ZDHHC15: variants seen among roughly 807,000 people sequenced by gnomAD.
The protein encoded by ZDHHC15 is palmitoyltransferase ZDHHC15.
A neutral mutation model predicts 31.7 loss-of-function variants in ZDHHC15; 19 were observed. The ratio of observed to expected loss-of-function variants is 0.60; its 90% confidence interval spans 0.42 to 0.88. The LOEUF (loss-of-function observed/expected upper bound fraction) is 0.88. Ranked by LOEUF, ZDHHC15 falls within the 40% of genes least tolerant of loss-of-function variation. The pLI, the probability that ZDHHC15 is intolerant of heterozygous loss-of-function variation, is 0.00. For missense variants in ZDHHC15, 209 were observed against 251.2 expected (o/e 0.83, Z 1.14); for synonymous variants, 103 against 90.0 (o/e 1.14, Z -0.82).
At position 75,396,668 on chromosome X, in the gene ZDHHC15, T is replaced by A. The variant is rs182030911; in HGVS notation, c.968-17470A>T. ...ATACTGAAGAGAAAGAAAATCAGTA[T>A]ATTGGAGAGATATCTGCATTCCTAT... On this transcript the variant is annotated intron_variant, in intron 10 of 11. Transcript: ENST00000373367. Among the ~76,000 whole-genome samples, 12 of 111,959 alleles carry A rather than the reference T, an allele frequency of 1.1e-4. No homozygotes were observed. In the East Asian group the frequency reaches 3.4e-3, roughly 32 times the overall value.
intron 3 of ZDHHC15, among the ~76,000 whole-genome samples, chrX:75,473,166 C>A (rs766103574): frequency 8.9e-6 from 1 of 111,884 alleles, no homozygotes; most frequent in Non-Finnish European, 1.9e-5. Flanking sequence ...TGTTCCCTAT[C>A]ATCCCGAAGC....
At chrX:75,391,463 T>G (rs1390559724) in intron 10 of ZDHHC15, among the ~76,000 whole-genome samples, 1 of 111,571 alleles carries the variant, frequency 9.0e-6, no homozygotes, top group African/African-American at 3.3e-5. Flanking sequence ...GAAAGGATCC[T>G]AAAAGCAGCA....
rs577926976 is a variant in ZDHHC15 at position 75,396,327 on chromosome X, G to C, written c.968-17129C>G. On this transcript the variant is annotated intron_variant, in intron 10 of 11. Coordinates refer to ENST00000373367, the MANE Select transcript of ZDHHC15 (RefSeq NM_144969.3). ...AAAATCTAATAATCTGATTAAAAAT[G>C]GGCAAAAGATGTGAATAGACATTTC... is the stretch of plus-strand genomic sequence containing the variant. Among the ~76,000 whole-genome samples, 33 of 112,033 alleles carry C rather than the reference G, an allele frequency of 2.9e-4. No individual in the cohort carries two copies. In the South Asian group the frequency reaches 0.011, roughly 39 times the overall value.
At position 75,493,212 on chromosome X, in the gene ZDHHC15, A is replaced by C. The variant is rs1228225873; in HGVS notation, c.163+12609T>G. On this transcript the variant is annotated intron_variant, in intron 2 of 11. Transcript: ENST00000373367. ...AATAGATAAATTCCTCGACACATAC[A>C]TCCTCCCAAGACTAAACCAGGAAGA... 4.5e-5 allele frequency among the ~76,000 whole-genome samples: 5 copies of C among 111,912 alleles called. No individual in the cohort carries two copies. The East Asian group carries it at 1.4e-3, about 31-fold the overall frequency.
At chrX:75,452,402 G>C (rs1042846296) in intron 3 of ZDHHC15, among the ~76,000 whole-genome samples, 6 of 110,734 alleles carry the variant, frequency 5.4e-5, no homozygotes, top group African/African-American at 2.0e-4. Flanking sequence ...AGTCCTAACA[G>C]ACCTAAAAAG....
chrX:75,492,023 C>A (rs752889276), intron 2 of ZDHHC15, among the ~76,000 whole-genome samples: 1 of 111,433 alleles, frequency 9.0e-6, no homozygotes, highest in South Asian at 3.8e-4. Flanking sequence ...CAAGACCCAT[C>A]AGTGTGCTGT....
intron 3 of ZDHHC15, among the ~76,000 whole-genome samples, chrX:75,451,355 C>A (rs2084114460): frequency 8.9e-6 from 1 of 112,170 alleles, no homozygotes; most frequent in African/African-American, 3.2e-5. Flanking sequence ...TCACAGGTAA[C>A]ACTGATAACA....
intron 3 of ZDHHC15, among the ~76,000 whole-genome samples, chrX:75,461,275 T>C (rs909122408): frequency 9.0e-6 from 1 of 111,529 alleles, no homozygotes; most frequent in Non-Finnish European, 1.9e-5. Flanking sequence ...CTGAGAAATA[T>C]GGAATTATAT....
rs1225864796 is a variant in ZDHHC15 at position 75,368,879 on chromosome X, TA to T, written c.*4098del. The T allele has an allele frequency of 1.8e-5, 2 of 111,887 alleles. No homozygotes were observed. Among genetic ancestry groups the T allele is most frequent in the African/African-American group, 6.5e-5 (2 of 30,724 alleles). The allele number at this position is 111,887 out of a possible 1,213,427, so 9.2% of individuals were successfully genotyped here. A position where few individuals can be genotyped will look rare whatever the true frequency, so the allele number is the denominator to read the frequency against. ...TTGAACACTGTGCAGGACACAGACC[TA>T]ACCCTTTTAGGGAAGTAAACAGTCA... On this transcript the variant is annotated 3_prime_UTR_variant, in exon 12 of 12. Transcript: ENST00000373367.
chrX:75,433,685 GTGTGTGTGTGTGTATATA>G (rs770479531), intron 4 of ZDHHC15, among the ~76,000 whole-genome samples: 12 of 11,546 alleles, frequency 1.0e-3, no homozygotes, highest in Admixed American at 9.0e-3. Flanking sequence ...GTGTGTGTGT[GTGTGTGTGTGTGTATATA>G]TATATATATA....
chrX:75,402,129 C>T (rs2083364982), intron 10 of ZDHHC15, among the ~76,000 whole-genome samples: 1 of 112,008 alleles, frequency 8.9e-6, no homozygotes, highest in African/African-American at 3.2e-5. Flanking sequence ...ACAACATGCT[C>T]CTGAATGACT....
rs760429265 is a variant in ZDHHC15 at position 75,444,640 on chromosome X, GTATATATATATATATATA to G, written c.379+6144_379+6161del. ...AATAAAAAAAGAAAAAAGCAACACT[GTATATATATATATATATA>G]TATATATATATATATATATATATAT... On this transcript the variant is annotated intron_variant, in intron 4 of 11. Transcript: ENST00000373367. 4.8e-3 allele frequency among the ~76,000 whole-genome samples: 108 copies of G among 22,728 alleles called. 3 individuals are homozygous for G. Among genetic ancestry groups the G allele is most frequent in the African/African-American group, 0.021 (91 of 4,288 alleles). 19.7% of individuals were successfully genotyped at this position (22,728 alleles called of 115,157 possible).
intron 4 of ZDHHC15, among the ~76,000 whole-genome samples, chrX:75,440,081 T>C (rs1474169102): frequency 1.8e-5 from 2 of 111,095 alleles, no homozygotes; most frequent in Admixed American, 1.9e-4. Flanking sequence ...GCAGGGGAGT[T>C]GAAGTGGATT....
chrX:75,477,325 C>T (rs929927359), intron 3 of ZDHHC15, among the ~76,000 whole-genome samples: 2 of 111,242 alleles, frequency 1.8e-5, no homozygotes, highest in Non-Finnish European at 3.8e-5. Context: ...GAAGAAAGTA[C>T]ATTTTACTCT....
chrX:75,421,406 T>TA (rs1426681611), intron 9 of ZDHHC15, among the ~76,000 whole-genome samples: 10 of 12,635 alleles, frequency 7.9e-4, no homozygotes, highest in Non-Finnish European at 2.5e-3. Flanking sequence ...ATATTATATA[T>TA]ATATAATATA....
intron 4 of ZDHHC15, 49 bp downstream of exon 4, chrX:75,450,753 C>A: frequency 8.3e-7 from 1 of 1,209,905 alleles, no homozygotes; most frequent in Non-Finnish European, 1.1e-6. Flanking sequence ...CTTAGCCTTT[C>A]TGAGATACTT....
At chrX:75,461,538 C>A (rs2084315520) in intron 3 of ZDHHC15, among the ~76,000 whole-genome samples, 1 of 111,521 alleles carries the variant, frequency 9.0e-6, no homozygotes, top group Non-Finnish European at 1.9e-5. Context: ...GAGCAAAAGG[C>A]CACATTACCT....
intron 1 of ZDHHC15, among the ~76,000 whole-genome samples, chrX:75,510,237 G>T (rs1253689470): frequency 9.0e-6 from 1 of 111,572 alleles, no homozygotes; most frequent in African/African-American, 3.2e-5. Context: ...TTTGGATGGA[G>T]GTGCAGAAAT....
chrX:75,433,217 T>C (rs1187513849), intron 4 of ZDHHC15, among the ~76,000 whole-genome samples: 4 of 112,098 alleles, frequency 3.6e-5, no homozygotes, highest in African/African-American at 1.3e-4. Context: ...AGGCTTTTTG[T>C]GCTTGCAGTT....
Sources: gnomAD v4.1 joint callset for allele counts (sites outside exome capture counted in the v4.1 genomes callset) on GRCh38, gnomAD v4.1.1 for gene constraint, MANE v1.5 for transcripts, NCBI Gene and HGNC (gene_info 2026-07-23, HGNC 2026-07-21) for gene names.